AFF3: variants seen among roughly 807,000 people sequenced by gnomAD.
AFF3 encodes the protein AF4/FMR2 family member 3.
A neutral mutation model predicts 129.7 loss-of-function variants in AFF3; 32 were observed. That is an observed-to-expected ratio of 0.25 (90% confidence interval 0.19 to 0.33). The LOEUF (loss-of-function observed/expected upper bound fraction) is 0.33. Ranked by LOEUF, AFF3 falls within the 10% of genes least tolerant of loss-of-function variation. The pLI, the probability that AFF3 is intolerant of heterozygous loss-of-function variation, is 1.00. For missense variants in AFF3, 1,373 were observed against 1,592.0 expected (o/e 0.86, Z 2.34); for synonymous variants, 644 against 635.4 (o/e 1.01, Z -0.20).
At chr2:99,583,954 C>T (rs186486273) in intron 16 of AFF3, among the ~76,000 whole-genome samples, 311 of 151,088 alleles carry the variant, frequency 2.1e-3, no homozygotes, top group African/African-American at 7.0e-3. Flanking sequence ...CCACCTGCCT[C>T]GGCCTCCCAA....
At chr2:99,645,225 A>G (rs543095084) in intron 13 of AFF3, among the ~76,000 whole-genome samples, 3 of 152,234 alleles carry the variant, frequency 2.0e-5, no homozygotes, top group African/African-American at 7.2e-5. Flanking sequence ...TGGGCAGGGC[A>G]CGGGGAGAGC....
chr2:99,876,460 A>C (rs1243439520), intron 7 of AFF3, among the ~76,000 whole-genome samples: 1 of 152,084 alleles, frequency 6.6e-6, no homozygotes, highest in African/African-American at 2.4e-5. Flanking sequence ...TCTGCCTCCA[A>C]AAGATATCAC....
At chr2:99,723,280 T>C (rs770187266) in intron 11 of AFF3, among the ~76,000 whole-genome samples, 1 of 152,206 alleles carries the variant, frequency 6.6e-6, no homozygotes, top group Non-Finnish European at 1.5e-5. Flanking sequence ...CTGCCAAGCA[T>C]TGACCATCTG....
At chr2:99,789,447 A>AG (rs1491447492) in intron 8 of AFF3, among the ~76,000 whole-genome samples, 1 of 6,166 alleles carries the variant, frequency 1.6e-4, no homozygotes, top group African/African-American at 7.7e-4. Context: ...CCCTGTCACC[A>AG]AAAAAAAAAA....
chr2:99,761,200 G>A (rs957555890), intron 8 of AFF3, among the ~76,000 whole-genome samples: 4 of 98,100 alleles, frequency 4.1e-5, no homozygotes, highest in African/African-American at 1.8e-4. Flanking sequence ...TTTTTTTTTT[G>A]TATAGGCTTA....
chr2:99,593,633 G>A lies in AFF3; in HGVS notation c.2028C>T (p.Ser676=). Residue 676 remains serine, a synonymous_variant, in exon 15 of 25, where the codon TCC becomes TCT. Coordinates refer to ENST00000672756, the MANE Select transcript of AFF3 (RefSeq NM_001386135.1). ...GCTCGGACTCCAGGTCGGAGTCCGA[G>A]GAGGAGGATGAAGATGACGACTCTG... ...IETESSSSSS[S]SDSDLESEQE... 2 of 1,609,522 alleles carry A rather than the reference G, an allele frequency of 1.2e-6. No individual in the cohort carries two copies. The highest frequency in any genetic ancestry group is 1.1e-5 in the South Asian group (1 of 90,950).
intron 8 of AFF3, among the ~76,000 whole-genome samples, chr2:99,811,802 A>C (rs1686811520): frequency 6.6e-6 from 1 of 152,280 alleles, no homozygotes; most frequent in Non-Finnish European, 1.5e-5. Flanking sequence ...TCATGCACAC[A>C]GTTAAAATAA....
chr2:99,785,868 C>T (rs1684750271), intron 8 of AFF3, among the ~76,000 whole-genome samples: 1 of 152,214 alleles, frequency 6.6e-6, no homozygotes, highest in Non-Finnish European at 1.5e-5. Context: ...CTGCCTCAGC[C>T]TCCCGGGTAG....
intron 7 of AFF3, among the ~76,000 whole-genome samples, chr2:99,940,007 C>CA (rs1484591255): frequency 1.3e-5 from 2 of 152,216 alleles, no homozygotes; most frequent in Middle Eastern, 3.4e-3. Context: ...TTTGGGGAAA[C>CA]AAAATTTCTC....
At chr2:100,032,965 A>T (rs1470188605) in intron 4 of AFF3, among the ~76,000 whole-genome samples, 3 of 152,210 alleles carry the variant, frequency 2.0e-5, no homozygotes, top group Non-Finnish European at 4.4e-5. Context: ...TAAGTCCAAC[A>T]ACCTTATTCT....
At chr2:99,599,955 G>A (rs538444771) in intron 14 of AFF3, among the ~76,000 whole-genome samples, 2 of 152,270 alleles carry the variant, frequency 1.3e-5, no homozygotes, top group South Asian at 4.1e-4. Context: ...GCCAAGTACT[G>A]TGTGACTGAT....
chr2:99,908,270 C>G (rs1694860239), intron 7 of AFF3, among the ~76,000 whole-genome samples: 1 of 152,062 alleles, frequency 6.6e-6, no homozygotes, highest in Admixed American at 6.5e-5. Context: ...AACTGGCTAG[C>G]CATATGTAGA....
At chr2:99,856,928 T>C (rs1261712744) in intron 7 of AFF3, among the ~76,000 whole-genome samples, 1 of 152,268 alleles carries the variant, frequency 6.6e-6, no homozygotes, top group Non-Finnish European at 1.5e-5. Context: ...AGGAGAGAAC[T>C]ATTAAACTTT....
At chr2:99,623,006 G>T (rs549560471) in intron 13 of AFF3, among the ~76,000 whole-genome samples, 42 of 152,290 alleles carry the variant, frequency 2.8e-4, no homozygotes, top group Non-Finnish European at 4.0e-4. Flanking sequence ...AGAGTTCCCA[G>T]GAGACTTTTG....
intron 13 of AFF3, among the ~76,000 whole-genome samples, chr2:99,611,216 T>C (rs1661257837): frequency 6.6e-6 from 1 of 152,196 alleles, no homozygotes; most frequent in African/African-American, 2.4e-5. Flanking sequence ...CTCAAGCTTG[T>C]TTTTAATTGC....
intron 7 of AFF3, among the ~76,000 whole-genome samples, chr2:99,940,516 G>A (rs995186784): frequency 2.0e-5 from 3 of 152,178 alleles, no homozygotes; most frequent in African/African-American, 4.8e-5. Context: ...AGATGGTGAC[G>A]AGAGTGACCT....
chr2:99,750,142 G>A (rs992100646), intron 9 of AFF3, among the ~76,000 whole-genome samples: 5 of 152,074 alleles, frequency 3.3e-5, no homozygotes, highest in Admixed American at 6.6e-5. Flanking sequence ...ACATAAAAAA[G>A]GTTTGCAAGA....
At chr2:99,787,048 T>C (rs1354898649) in intron 8 of AFF3, among the ~76,000 whole-genome samples, 2 of 152,104 alleles carry the variant, frequency 1.3e-5, no homozygotes, top group Non-Finnish European at 2.9e-5. Flanking sequence ...TTAATAGTAT[T>C]AAATGGGCAA....
chr2:99,723,238 G>T (rs1387210701), intron 11 of AFF3, among the ~76,000 whole-genome samples: 1 of 152,012 alleles, frequency 6.6e-6, no homozygotes, highest in African/African-American at 2.4e-5. Flanking sequence ...TATATTGAAG[G>T]ATTACTCGGG....
Sources: allele counts gnomAD v4.1 joint callset (sites outside exome capture counted in the v4.1 genomes callset), GRCh38; gene constraint gnomAD v4.1.1; transcripts MANE v1.5; gene names NCBI Gene and HGNC (gene_info 2026-07-23, HGNC 2026-07-21).